Variants in PLCB1 observed in about 807,000 individuals in gnomAD.
The protein encoded by PLCB1 is phospholipase C beta 1, also known as 1-phosphatidylinositol 4,5-bisphosphate phosphodiesterase beta-1.
Under a neutral mutation model 161.8 loss-of-function variants are expected in PLCB1, and 46 were observed. The ratio of observed to expected loss-of-function variants is 0.28; its 90% confidence interval spans 0.22 to 0.36. The LOEUF is 0.36. PLCB1 is among the 10% of genes least tolerant of loss of function. The pLI, the probability that PLCB1 is intolerant of heterozygous loss-of-function variation, is 1.00. For missense variants in PLCB1, 1,016 were observed against 1,472.5 expected, an observed-to-expected ratio of 0.69 and a Z score of 5.07; for synonymous variants, 517 against 503.7, an observed-to-expected ratio of 1.03 and a Z score of -0.35.
At chr20:8,817,414 A>C (rs1248036858) in intron 31 of PLCB1, among the ~76,000 whole-genome samples, 1 of 152,086 alleles carries the variant, frequency 6.6e-6, no homozygotes, top group African/African-American at 2.4e-5. Context: ...TCATGATTGC[A>C]AGCTGGTCCT....
chr20:8,801,278 C>A (rs1430957548), intron 31 of PLCB1, among the ~76,000 whole-genome samples: 1 of 152,158 alleles, frequency 6.6e-6, no homozygotes, highest in Non-Finnish European at 1.5e-5. Context: ...TTGCTCAAAT[C>A]TGTCAGAGGC....
At chr20:8,635,533 C>T (rs914724326) in intron 4 of PLCB1, among the ~76,000 whole-genome samples, 3 of 152,284 alleles carry the variant, frequency 2.0e-5, no homozygotes, top group Middle Eastern at 3.4e-3. Context: ...GCATTCATTA[C>T]GATGGCTTCC....
At chr20:8,133,521 G>A (rs970161114) in intron 1 of PLCB1, among the ~76,000 whole-genome samples, 3 of 152,166 alleles carry the variant, frequency 2.0e-5, no homozygotes, top group Non-Finnish European at 4.4e-5. Flanking sequence ...GCCAGGTAGG[G>A]CAGAGCCTAG....
At chr20:8,742,102 A>G (rs1744535513) in intron 23 of PLCB1, among the ~76,000 whole-genome samples, 1 of 152,152 alleles carries the variant, frequency 6.6e-6, no homozygotes, top group African/African-American at 2.4e-5. Context: ...TATTATTCCA[A>G]ATTAGATGTC....
chr20:8,516,776 G>A (rs557964602), intron 3 of PLCB1, among the ~76,000 whole-genome samples: 9 of 141,474 alleles, frequency 6.4e-5, no homozygotes, highest in South Asian at 2.3e-4. Flanking sequence ...TAAAGTTTTC[G>A]GCAAGATAGA....
At position 8,566,767 on chromosome 20, in the gene PLCB1, C is replaced by T. The variant is rs78341343; in HGVS notation, c.247-61527C>T. Among the ~76,000 whole-genome samples, 28 of 149,538 alleles carry T rather than the reference C, an allele frequency of 1.9e-4. No individual in the cohort carries two copies. In the East Asian group the frequency reaches 3.5e-3, roughly 19 times the overall value. On this transcript the variant is annotated intron_variant, in intron 3 of 31. Transcript: ENST00000338037. The stretch of plus-strand genomic sequence containing the variant: ...AGTCTGTTTTAGGTTTTCTGCACTT[C>T]GGTTACTTAGCTTGAGCTATCTTGA...
At chr20:8,519,012 T>C (rs948428107) in intron 3 of PLCB1, among the ~76,000 whole-genome samples, 9 of 152,016 alleles carry the variant, frequency 5.9e-5, no homozygotes, top group Admixed American at 1.3e-4. Flanking sequence ...CAGGTGGTGA[T>C]GGGAGCAAGG....
chr20:8,628,210 T>C (rs1988417879), intron 3 of PLCB1, 84 bp from the exon 4 acceptor site: 3 of 1,090,964 alleles, frequency 2.7e-6, no homozygotes, highest in Non-Finnish European at 2.8e-6. Flanking sequence ...TTTGAAATCA[T>C]TCTAACTCAA....
chr20:8,460,058 T>C (rs1368377380), intron 3 of PLCB1, among the ~76,000 whole-genome samples: 1 of 152,228 alleles, frequency 6.6e-6, no homozygotes, highest in Non-Finnish European at 1.5e-5. Flanking sequence ...TAAGGGCAGA[T>C]TTCAGAACTT....
chr20:8,288,249 G>T (rs1161726128), intron 2 of PLCB1, among the ~76,000 whole-genome samples: 1 of 133,612 alleles, frequency 7.5e-6, no homozygotes, highest in Non-Finnish European at 1.6e-5. Flanking sequence ...GGGCCTGGAG[G>T]CTACAAAAAA....
At chr20:8,751,096 C>T (rs1981448708) in intron 23 of PLCB1, 6 of 185,012 alleles carry the variant, frequency 3.2e-5, no homozygotes, top group East Asian at 3.3e-4. Context: ...CCACCAAGCC[C>T]GGCTAATTTT....
chr20:8,147,999 T>A, intron 1 of PLCB1, among the ~76,000 whole-genome samples: 1 of 151,926 alleles, frequency 6.6e-6, no homozygotes, highest in East Asian at 1.9e-4. Context: ...CAGCCTCCTT[T>A]AGAAGTTTTA....
intron 11 of PLCB1, among the ~76,000 whole-genome samples, chr20:8,698,571 A>G (rs1038278848): frequency 2.6e-5 from 4 of 152,210 alleles, no homozygotes; most frequent in African/African-American, 9.6e-5. Flanking sequence ...AAAGACCCCT[A>G]GGAACATACC....
rs11404680 is a variant in PLCB1 at position 8,803,431 on chromosome 20, A to ATTT, written c.3423+13185_3423+13187dup. Among the ~76,000 whole-genome samples, 143 of 138,350 alleles carry ATTT rather than the reference A, an allele frequency of 1.0e-3. 1 individual carries two copies. Among genetic ancestry groups the ATTT allele is most frequent in the Admixed American group, 2.0e-3 (27 of 13,644 alleles). 90.8% of individuals were successfully genotyped at this position (138,350 alleles called of 152,430 possible). On this transcript the variant is annotated intron_variant, in intron 31 of 31. Coordinates refer to ENST00000338037, the MANE Select transcript of PLCB1 (RefSeq NM_015192.4). ...ACCCAATCACAAGCCTGGGCCTTTG[A>ATTT]TTTTTTTTTTTTTTTTTCTACTGCC... is the stretch of plus-strand genomic sequence containing the variant.
intron 3 of PLCB1, among the ~76,000 whole-genome samples, chr20:8,419,674 A>G (rs1979454590): frequency 6.6e-6 from 1 of 152,220 alleles, no homozygotes; most frequent in Non-Finnish European, 1.5e-5. Flanking sequence ...GGTATAATAA[A>G]TGCATTTTGA....
intron 2 of PLCB1, among the ~76,000 whole-genome samples, chr20:8,204,188 T>G (rs573239504): frequency 6.6e-6 from 1 of 152,164 alleles, no homozygotes; most frequent in South Asian, 2.1e-4. Flanking sequence ...CGTAGTCCGG[T>G]GTCATGAGCA....
intron 9 of PLCB1, among the ~76,000 whole-genome samples, chr20:8,678,619 T>C (rs538815446): frequency 2.4e-4 from 37 of 152,340 alleles, no homozygotes; most frequent in African/African-American, 8.4e-4. Flanking sequence ...AAGTGGTATC[T>C]GCACATCAAG....
chr20:8,213,046 A>G (rs1978919259), intron 2 of PLCB1, among the ~76,000 whole-genome samples: 1 of 151,930 alleles, frequency 6.6e-6, no homozygotes, highest in Non-Finnish European at 1.5e-5. Context: ...TACCTTTGAG[A>G]TTGCACACCA....
At chr20:8,314,554 G>A (rs1984550754) in intron 2 of PLCB1, among the ~76,000 whole-genome samples, 1 of 152,188 alleles carries the variant, frequency 6.6e-6, no homozygotes, top group Admixed American at 6.5e-5. Flanking sequence ...ACCTTTGTCT[G>A]CCTCAGTTTC....
Sources: allele counts gnomAD v4.1 joint callset (sites outside exome capture counted in the v4.1 genomes callset), GRCh38; gene constraint gnomAD v4.1.1; transcripts MANE v1.5; gene names NCBI Gene and HGNC (gene_info 2026-07-23, HGNC 2026-07-21).